Variants in SH2D4B observed in about 807,000 individuals in gnomAD.
The protein encoded by SH2D4B is SH2 domain containing 4B, also known as SH2 domain-containing protein 4B.
In SH2D4B, 45 loss-of-function variants were observed where a neutral mutation model predicts 61.5. That is an observed-to-expected ratio of 0.73 (90% CI 0.58 to 0.94). SH2D4B has a LOEUF of 0.94. Ranked by LOEUF, SH2D4B falls within the 40% of genes least tolerant of loss-of-function variation. The pLI is 0.00. For missense variants in SH2D4B, 572 were observed against 574.2 expected, an observed-to-expected ratio of 1.00 and a Z score of 0.04; for synonymous variants, 224 against 220.4, an observed-to-expected ratio of 1.02 and a Z score of -0.14.
At chr10:80,638,900 C>T (rs967024848) in intron 7 of SH2D4B, among the ~76,000 whole-genome samples, 2 of 152,152 alleles carry the variant, frequency 1.3e-5, no homozygotes, top group Non-Finnish European at 2.9e-5. Context: ...TTAGATCTTT[C>T]CTGCTTTCTC....
chr10:80,542,539 A>G (rs1196385689), intron 1 of SH2D4B, among the ~76,000 whole-genome samples: 2 of 151,136 alleles, frequency 1.3e-5, no homozygotes, highest in Non-Finnish European at 2.9e-5. Context: ...CTGGGATTAC[A>G]GGCGCCCACC....
chr10:80,646,423 A>G lies in SH2D4B; in HGVS notation c.*2338A>G, dbSNP rs1840396188. ...GGCCTGCAATTTCTGCATGTCTCAT[A>G]TATTTTAGGTTTTACCTTTTTACCT... On this transcript the variant is annotated 3_prime_UTR_variant, in exon 8 of 8. Coordinates refer to ENST00000646907, the MANE Select transcript of SH2D4B (RefSeq NM_001388272.1). 6.6e-6 allele frequency: 1 copy of G among 152,256 alleles called. No individual in the cohort carries two copies. Among genetic ancestry groups the G allele is most frequent in the African/African-American group, 2.4e-5 (1 of 41,444 alleles). 9.4% of individuals were successfully genotyped at this position (152,256 alleles called of 1,614,324 possible).
chr10:80,564,009 A>C (rs1322580618), intron 1 of SH2D4B, among the ~76,000 whole-genome samples: 1 of 152,182 alleles, frequency 6.6e-6, no homozygotes, highest in African/African-American at 2.4e-5. Flanking sequence ...CCCTCTATAG[A>C]TGTTAGCTGT....
chr10:80,642,632 A>T (rs1403853138), intron 7 of SH2D4B, among the ~76,000 whole-genome samples: 1 of 152,210 alleles, frequency 6.6e-6, no homozygotes, highest in Non-Finnish European at 1.5e-5. Flanking sequence ...GTGGAATTCC[A>T]TGGTATGGAT....
At chr10:80,543,372 C>T (rs1180706375) in intron 1 of SH2D4B, among the ~76,000 whole-genome samples, 2 of 152,128 alleles carry the variant, frequency 1.3e-5, no homozygotes, top group Non-Finnish European at 1.5e-5. Flanking sequence ...CCCACCGGCC[C>T]GGGGCAGTGA....
At chr10:80,542,924 A>T (rs1589327848) in intron 1 of SH2D4B, among the ~76,000 whole-genome samples, 1 of 152,028 alleles carries the variant, frequency 6.6e-6, no homozygotes, top group African/African-American at 2.4e-5. Context: ...TCCTGCCCTC[A>T]TTCCAGCCAG....
intron 1 of SH2D4B, among the ~76,000 whole-genome samples, chr10:80,554,875 G>A (rs527598708): frequency 6.6e-5 from 10 of 152,084 alleles, no homozygotes; most frequent in African/African-American, 2.4e-4. Context: ...CGGGCGTAGT[G>A]GTGGGCACCT....
chr10:80,614,692 G>C (rs1488296528), intron 6 of SH2D4B, among the ~76,000 whole-genome samples: 1 of 152,216 alleles, frequency 6.6e-6, no homozygotes, highest in Non-Finnish European at 1.5e-5. Flanking sequence ...GCCATGCAGT[G>C]TGGTTCTGAG....
intron 1 of SH2D4B, among the ~76,000 whole-genome samples, chr10:80,544,858 G>A (rs1841648943): frequency 6.6e-6 from 1 of 152,132 alleles, no homozygotes; most frequent in African/African-American, 2.4e-5. Flanking sequence ...GCTGGCACCT[G>A]CCCACCTCTT....
At chr10:80,541,020 A>T in intron 1 of SH2D4B, 2 of 988,640 alleles carry the variant, frequency 2.0e-6, no homozygotes, top group Non-Finnish European at 3.1e-6. Context: ...TAGGAAAGGC[A>T]AGAAACTGTT....
rs1050824597 is a variant in SH2D4B, at chr10:80,645,476, C to G, written c.*1391C>G. Reference sequence around the variant, plus strand: ...GAAGTGAATGCCCGATGTGGTGAATCTGGGATGAATGGGAGTCATAGGCTG... The same window carrying G: ...GAAGTGAATGCCCGATGTGGTGAATGTGGGATGAATGGGAGTCATAGGCTG... On this transcript the variant is annotated 3_prime_UTR_variant, in exon 8 of 8. Transcript: ENST00000646907. 1 of 152,234 alleles carries G rather than the reference C, an allele frequency of 6.6e-6. No homozygotes were observed. Among genetic ancestry groups the G allele is most frequent in the Non-Finnish European group, 1.5e-5 (1 of 68,056 alleles). The allele number at this position is 152,234 out of a possible 1,614,324, so 9.4% of individuals were successfully genotyped here. A position where few individuals can be genotyped will look rare whatever the true frequency, so the allele number is the denominator to read the frequency against.
chr10:80,600,816 G>C (rs1360634156), intron 4 of SH2D4B, among the ~76,000 whole-genome samples: 1 of 152,146 alleles, frequency 6.6e-6, no homozygotes, highest in Non-Finnish European at 1.5e-5. Flanking sequence ...TCTGTAGCCT[G>C]CCTGCCTGTC....
chr10:80,620,997 A>C (rs1233134708), intron 6 of SH2D4B, among the ~76,000 whole-genome samples: 1 of 152,268 alleles, frequency 6.6e-6, no homozygotes, highest in Non-Finnish European at 1.5e-5. Context: ...ATAATTTTTA[A>C]ATAAACTCTT....
chr10:80,589,274 G>T (rs1479764330), intron 4 of SH2D4B, among the ~76,000 whole-genome samples: 1 of 152,162 alleles, frequency 6.6e-6, no homozygotes, highest in African/African-American at 2.4e-5. Flanking sequence ...AAAGTGCTGG[G>T]ATTACAGGCG....
At chr10:80,608,764 G>A (rs532411223) in intron 5 of SH2D4B, among the ~76,000 whole-genome samples, 10 of 151,970 alleles carry the variant, frequency 6.6e-5, no homozygotes, top group South Asian at 4.2e-4. Context: ...TTCCGCCTCC[G>A]TATCCTCTGT....
chr10:80,591,505 C>CTTTTTTT lies in SH2D4B; in HGVS notation c.643+2741_643+2747dup, dbSNP rs763446349. ...GAAGGTACACTAAGAGCCAAACTGGCTTTTTTTTTTTTTTTTTTTGAGTCG... is the reference window on the plus strand; with the variant it reads ...GAAGGTACACTAAGAGCCAAACTGGCTTTTTTTTTTTTTTTTTTTTTTTTTTGAGTCG... On this transcript the variant is annotated intron_variant, in intron 4 of 7. Transcript: ENST00000646907. Among the ~76,000 whole-genome samples the CTTTTTTT allele has an allele frequency of 6.4e-5, 7 of 108,912 alleles. 1 individual carries two copies. Among genetic ancestry groups the CTTTTTTT allele is most frequent in the Non-Finnish European group, 8.9e-5 (5 of 56,056 alleles). The allele number at this position is 108,912 out of a possible 152,430, so 71.5% of individuals were successfully genotyped here. A position where few individuals can be genotyped will look rare whatever the true frequency, so the allele number is the denominator to read the frequency against.
At chr10:80,544,061 C>T (rs1841629604) in intron 1 of SH2D4B, among the ~76,000 whole-genome samples, 1 of 152,184 alleles carries the variant, frequency 6.6e-6, no homozygotes, top group East Asian at 1.9e-4. Flanking sequence ...CCACTCCTGT[C>T]CCCTTCCACA....
Position 80,573,133 on chromosome 10 carries a change from C to T in SH2D4B, c.495+1555C>T, listed in dbSNP as rs182100430. Among the ~76,000 whole-genome samples, 952 of 145,118 alleles carry T rather than the reference C, an allele frequency of 6.6e-3. 8 individuals are homozygous for T. Among genetic ancestry groups the T allele is most frequent in the African/African-American group, 0.022 (859 of 39,028 alleles). On this transcript the variant is annotated intron_variant, in intron 3 of 7. Transcript: ENST00000646907. ...CTGAGTAGCTGGGACTACAGGCGCC[C>T]GCCACCGCGCCCGGCTAATTTTTTT...
At chr10:80,621,333 T>A (rs918505516) in intron 6 of SH2D4B, among the ~76,000 whole-genome samples, 6 of 152,236 alleles carry the variant, frequency 3.9e-5, no homozygotes, top group Non-Finnish European at 8.8e-5. Context: ...TTTATCTACA[T>A]CTCCTTCAGA....
Sources: gnomAD v4.1 joint callset for allele counts (sites outside exome capture counted in the v4.1 genomes callset) on GRCh38, gnomAD v4.1.1 for gene constraint, MANE v1.5 for transcripts, NCBI Gene and HGNC (gene_info 2026-07-23, HGNC 2026-07-21) for gene names.